The following GREB1 variants were observed in gnomAD, a reference collection of about 807,000 sequenced individuals.
GREB1 encodes the protein protein GREB1.
Under a neutral mutation model 200.7 loss-of-function variants are expected in GREB1, and 106 were observed. That is an observed-to-expected ratio of 0.53 (90% CI 0.45 to 0.62). The LOEUF is 0.62. Among genes scored for constraint, GREB1 ranks in the 20% least tolerant of loss-of-function variants. GREB1 has a pLI of 0.00. For missense variants in GREB1, 2,243 were observed against 2,556.8 expected, an observed-to-expected ratio of 0.88 and a Z score of 2.65; for synonymous variants, 1,132 against 1,092.4, an observed-to-expected ratio of 1.04 and a Z score of -0.72.
intron 1 of GREB1, among the ~76,000 whole-genome samples, chr2:11,505,582 C>A (rs946837984): frequency 1.3e-5 from 2 of 152,186 alleles, no homozygotes; most frequent in African/African-American, 4.8e-5. Context: ...GTGGCTAACG[C>A]CTGTAACCCC....
Position 11,592,891 on chromosome 2 carries a change from G to T in GREB1, c.1461G>T (p.Pro487=). 1 of 1,597,474 alleles carries T rather than the reference G, an allele frequency of 6.3e-7. No homozygotes were observed. The highest frequency in any genetic ancestry group is 1.7e-4 in the Middle Eastern group (1 of 5,980). ...QYQQAPPQPF[P]PAPSAAAPVT... Reference sequence around the variant, plus strand: ...AGCAGGCGCCGCCGCAGCCCTTCCCGCCCGCGCCCAGCGCCGCGGCACCCG... The same window carrying T: ...AGCAGGCGCCGCCGCAGCCCTTCCCTCCCGCGCCCAGCGCCGCGGCACCCG... The change falls in exon 11 of 33, where the codon CCG becomes CCT. Residue 487 remains proline (P), a synonymous_variant. Transcript: ENST00000381486.
intron 6 of GREB1, among the ~76,000 whole-genome samples, chr2:11,579,184 G>A (rs1017342212): frequency 1.3e-5 from 2 of 152,178 alleles, no homozygotes; most frequent in Non-Finnish European, 2.9e-5. Context: ...TCCATCGCCT[G>A]GGCAGGGGAC....
chr2:11,552,445 C>G (rs1240957421), intron 1 of GREB1, among the ~76,000 whole-genome samples: 1 of 152,232 alleles, frequency 6.6e-6, no homozygotes, highest in East Asian at 1.9e-4. Context: ...TGTCTCCACT[C>G]CATGCGGCAT....
At chr2:11,593,899 A>G (rs989743769) in intron 11 of GREB1, among the ~76,000 whole-genome samples, 1 of 152,204 alleles carries the variant, frequency 6.6e-6, no homozygotes, top group Non-Finnish European at 1.5e-5. Context: ...GGAGGCAGAC[A>G]CCAAACACGT....
chr2:11,505,604 G>A (rs1364924966), intron 1 of GREB1, among the ~76,000 whole-genome samples: 1 of 152,206 alleles, frequency 6.6e-6, no homozygotes, highest in Non-Finnish European at 1.5e-5. Flanking sequence ...TGCTTTGGGA[G>A]GCCAAGGCAG....
At chr2:11,545,937 G>A (rs934404712) in intron 1 of GREB1, among the ~76,000 whole-genome samples, 3 of 152,196 alleles carry the variant, frequency 2.0e-5, no homozygotes, top group Admixed American at 6.5e-5. Flanking sequence ...CAGCACTTTG[G>A]GAGGCTGAGG....
At chr2:11,591,504 A>G in intron 10 of GREB1, 1 of 711,102 alleles carries the variant, frequency 1.4e-6, no homozygotes, top group African/African-American at 1.7e-5. Context: ...CATCAAAGAC[A>G]TGCAAATCAC....
In GREB1 at chr2:11,610,686, A is replaced by G; in HGVS notation, c.2667-2A>G. On this transcript the variant is annotated splice_acceptor_variant, in intron 17 of 32. Transcript: ENST00000381486. LOFTEE classifies it high-confidence loss of function. ...GACATGGTCTCTCTGTGTTCCTTGC[A>G]GGTTCCCCCGCCTGCACAGCGCGGT... 1 of 1,605,964 alleles carries G rather than the reference A, an allele frequency of 6.2e-7. No homozygotes were observed. The highest frequency in any genetic ancestry group is 8.5e-7 in the Non-Finnish European group (1 of 1,175,640).
chr2:11,589,845 A>G (rs946923421), intron 10 of GREB1, among the ~76,000 whole-genome samples: 3 of 152,174 alleles, frequency 2.0e-5, no homozygotes, highest in African/African-American at 7.2e-5. Flanking sequence ...CTGAGCAGCC[A>G]GGTGAATGGT....
At chr2:11,605,248 CAG>C (rs1462727743) in intron 17 of GREB1, among the ~76,000 whole-genome samples, 22 of 134,852 alleles carry the variant, frequency 1.6e-4, no homozygotes, top group African/African-American at 5.6e-4. Flanking sequence ...TTTTTTGAGA[CAG>C]AGTCTCACTC....
intron 1 of GREB1, among the ~76,000 whole-genome samples, chr2:11,554,778 A>G (rs1237081129): frequency 3.3e-5 from 5 of 152,250 alleles, no homozygotes; most frequent in African/African-American, 1.2e-4. Flanking sequence ...GTCTTTTCTC[A>G]TATCTGTAAA....
At chr2:11,571,780 G>A (rs979318740) in intron 4 of GREB1, among the ~76,000 whole-genome samples, 29 of 151,524 alleles carry the variant, frequency 1.9e-4, no homozygotes, top group Non-Finnish European at 3.5e-4. Context: ...GCGCGATGTC[G>A]GCTCACTGCA....
intron 4 of GREB1, among the ~76,000 whole-genome samples, chr2:11,570,947 C>G (rs1678206452): frequency 6.6e-6 from 1 of 152,130 alleles, no homozygotes; most frequent in African/African-American, 2.4e-5. Context: ...CACCTGGAAT[C>G]CTGGTACGGC....
intron 16 of GREB1, 142 bp downstream of exon 16, chr2:11,601,137 G>A (rs534297576): frequency 1.5e-6 from 1 of 654,100 alleles, no homozygotes; most frequent in Non-Finnish European, 2.5e-6. Context: ...CCAGAGTTAG[G>A]TTGTAAACCC....
At chr2:11,638,018 C>G in intron 31 of GREB1, 102 bp downstream of exon 31, 1 of 994,064 alleles carries the variant, frequency 1.0e-6, no homozygotes, top group Non-Finnish European at 1.5e-6. Flanking sequence ...TCAACTCCTT[C>G]GTCTCGGGGT....
chr2:11,546,805 T>G (rs1167516064), intron 1 of GREB1, among the ~76,000 whole-genome samples: 1 of 152,184 alleles, frequency 6.6e-6, no homozygotes, highest in African/African-American at 2.4e-5. Flanking sequence ...TTTAGAACTT[T>G]AGAGGAATGC....
At chr2:11,565,572 T>C (rs1677546645) in intron 3 of GREB1, among the ~76,000 whole-genome samples, 1 of 152,190 alleles carries the variant, frequency 6.6e-6, no homozygotes, top group African/African-American at 2.4e-5. Context: ...AAAAGCCTTA[T>C]CCAAATTAGT....
chr2:11,552,991 C>A (rs1444516364), intron 1 of GREB1, among the ~76,000 whole-genome samples: 2 of 128,610 alleles, frequency 1.6e-5, no homozygotes, highest in Non-Finnish European at 3.1e-5. Context: ...GCCTGGGCGA[C>A]AGAGCGAAAC....
At chr2:11,585,087 C>A in intron 7 of GREB1, 74 bp from the exon 8 acceptor site, 1 of 747,960 alleles carries the variant, frequency 1.3e-6, no homozygotes, top group South Asian at 2.7e-5. Context: ...GATCATTGTT[C>A]TCCAAACCAA....
Sources: allele counts gnomAD v4.1 joint callset (sites outside exome capture counted in the v4.1 genomes callset), GRCh38; gene constraint gnomAD v4.1.1; transcripts MANE v1.5; gene names NCBI Gene and HGNC (gene_info 2026-07-23, HGNC 2026-07-21).